KPNA6: variants seen among roughly 807,000 people sequenced by gnomAD.
KPNA6 encodes importin subunit alpha-7.
Under a neutral mutation model 72.0 loss-of-function variants are expected in KPNA6, and 9 were observed. The ratio of observed to expected loss-of-function variants is 0.13; its 90% confidence interval spans 0.08 to 0.22. The LOEUF (loss-of-function observed/expected upper bound fraction) is 0.22. KPNA6 is among the 10% of genes least tolerant of loss of function. The pLI is 1.00. For synonymous variants in KPNA6, 219 were observed against 242.1 expected, an observed-to-expected ratio of 0.90 and a Z score of 0.89; for missense variants, 374 against 655.7, an observed-to-expected ratio of 0.57 and a Z score of 4.69.
intron 1 of KPNA6, among the ~76,000 whole-genome samples, chr1:32,119,855 C>G (rs1357245775): frequency 6.6e-6 from 1 of 151,578 alleles, no homozygotes; most frequent in Non-Finnish European, 1.5e-5. Context: ...AGCAATTCTC[C>G]TGCCTCAGCC....
rs535627092 is a variant in KPNA6 at position 32,152,104 on chromosome 1, G to C, written c.5-2484G>C. Among the ~76,000 whole-genome samples, 55 of 151,808 alleles carry C rather than the reference G, an allele frequency of 3.6e-4. 2 individuals carry two copies. In the South Asian group the frequency reaches 0.011, roughly 32 times the overall value. ...CAGCACTTTGGGAGGCTGAGGCAGG[G>C]GGATTGTTGAGGACAGGAGTTCAAG... is the stretch of plus-strand genomic sequence containing the variant. On this transcript the variant is annotated intron_variant, in intron 1 of 13. Transcript: ENST00000373625.
intron 1 of KPNA6, among the ~76,000 whole-genome samples, chr1:32,114,929 C>G (rs1288423429): frequency 6.6e-6 from 1 of 152,206 alleles, no homozygotes. Context: ...CAGCCTCTGT[C>G]TCCCGGGTTC....
intron 9 of KPNA6, 57 bp downstream of exon 9, chr1:32,162,581 A>C: frequency 6.3e-7 from 1 of 1,592,384 alleles, no homozygotes; most frequent in Admixed American, 1.7e-5. Flanking sequence ...TTATGCTTAT[A>C]ATCCCAGCAC....
intron 1 of KPNA6, among the ~76,000 whole-genome samples, chr1:32,117,469 G>T (rs1461999571): frequency 6.7e-6 from 1 of 149,590 alleles, no homozygotes. Flanking sequence ...ACTGCGCCCG[G>T]CCCAATTTGT....
chr1:32,157,277 G>A (rs969438931), intron 3 of KPNA6, 69 bp from the exon 4 acceptor site: 2 of 1,166,808 alleles, frequency 1.7e-6, no homozygotes, highest in Non-Finnish European at 2.6e-6. Context: ...AGGATGCCAA[G>A]CAGTATTATG....
intron 1 of KPNA6, among the ~76,000 whole-genome samples, chr1:32,121,064 A>G (rs1284806952): frequency 1.3e-5 from 2 of 151,928 alleles, no homozygotes; most frequent in Admixed American, 6.6e-5. Context: ...TTTAGTAGAG[A>G]TGGGGTTTCA....
intron 1 of KPNA6, among the ~76,000 whole-genome samples, chr1:32,144,070 A>G (rs925438072): frequency 2.6e-5 from 4 of 152,222 alleles, no homozygotes; most frequent in Non-Finnish European, 4.4e-5. Flanking sequence ...ATACGTACCT[A>G]TGATGAAGTT....
chr1:32,159,356 C>T (rs756412698), intron 5 of KPNA6, 44 bp from the exon 6 acceptor site: 3 of 1,605,130 alleles, frequency 1.9e-6, no homozygotes, highest in African/African-American at 2.7e-5. Context: ...CATGGCTGCT[C>T]AGTCTGAAAT....
At chr1:32,146,394 A>C (rs965852487) in intron 1 of KPNA6, among the ~76,000 whole-genome samples, 2 of 152,182 alleles carry the variant, frequency 1.3e-5, no homozygotes, top group Non-Finnish European at 2.9e-5. Context: ...TTGTTTTGTC[A>C]GATATTCATG....
intron 2 of KPNA6, among the ~76,000 whole-genome samples, chr1:32,155,371 G>A (rs1642120175): frequency 6.9e-6 from 1 of 145,608 alleles, no homozygotes; most frequent in African/African-American, 2.5e-5. Flanking sequence ...ACCCAGGCTG[G>A]AGTGCAATGG....
In KPNA6 at chr1:32,172,165, T is replaced by C. The variant is rs750823028; in HGVS notation, c.*1271T>C. On this transcript the variant is annotated 3_prime_UTR_variant, in exon 14 of 14. Coordinates refer to ENST00000373625, the MANE Select transcript of KPNA6 (RefSeq NM_012316.5). ...CTGTGAGGAAGACCAAAAAGAGATA[T>C]GGATGCTTCCTCGCTCAGGAGGCCT... is the stretch of plus-strand genomic sequence containing the variant. 4 of 152,184 alleles carry C rather than the reference T, an allele frequency of 2.6e-5. No individual in the cohort carries two copies. Among genetic ancestry groups the C allele is most frequent in the African/African-American group, 7.2e-5 (3 of 41,444 alleles). 9.4% of individuals were successfully genotyped at this position (152,184 alleles called of 1,614,324 possible).
chr1:32,170,288 G>A (rs978779082), intron 13 of KPNA6, among the ~76,000 whole-genome samples: 4 of 152,160 alleles, frequency 2.6e-5, no homozygotes, highest in Non-Finnish European at 5.9e-5. Flanking sequence ...GAGTAGCTGG[G>A]GTACAGCTAG....
At chr1:32,128,390 TATATATATATATATATA>T (rs1641573684) in intron 1 of KPNA6, among the ~76,000 whole-genome samples, 2 of 36,836 alleles carry the variant, frequency 5.4e-5, no homozygotes, top group African/African-American at 2.4e-4. Flanking sequence ...TATGTATTTA[TATATATATATATATATA>T]TATATATATA....
intron 1 of KPNA6, among the ~76,000 whole-genome samples, chr1:32,148,557 C>G (rs1319203316): frequency 7.4e-6 from 1 of 134,474 alleles, no homozygotes; most frequent in Non-Finnish European, 1.6e-5. Flanking sequence ...GTATATTGGT[C>G]TTTTTTTTTT....
chr1:32,148,626 C>T (rs1056483743), intron 1 of KPNA6, among the ~76,000 whole-genome samples: 2 of 146,358 alleles, frequency 1.4e-5, no homozygotes, highest in Non-Finnish European at 3.0e-5. Flanking sequence ...AGTGCGATCT[C>T]GGCTCACTGC....
chr1:32,129,751 C>T (rs1267762773), intron 1 of KPNA6, among the ~76,000 whole-genome samples: 1 of 151,912 alleles, frequency 6.6e-6, no homozygotes, highest in Non-Finnish European at 1.5e-5. Flanking sequence ...TTAGTAGAGA[C>T]GAGGTCTCAC....
At chr1:32,113,896 A>C (rs1260735835) in intron 1 of KPNA6, among the ~76,000 whole-genome samples, 1 of 152,196 alleles carries the variant, frequency 6.6e-6, no homozygotes, top group Non-Finnish European at 1.5e-5. Flanking sequence ...TCTAGTTATC[A>C]CATTTTCACT....
intron 1 of KPNA6, among the ~76,000 whole-genome samples, chr1:32,117,467 C>T (rs544054505): frequency 8.7e-4 from 132 of 150,988 alleles, no homozygotes; most frequent in African/African-American, 2.9e-3. Context: ...CCACTGCGCC[C>T]GGCCCAATTT....
At chr1:32,166,019 A>G in intron 10 of KPNA6, 86 bp from the exon 11 acceptor site, 2 of 1,438,558 alleles carry the variant, frequency 1.4e-6, no homozygotes, top group South Asian at 2.8e-5. Flanking sequence ...CAAAAACAAC[A>G]ACAACAACAA....
Sources: gnomAD v4.1 joint callset for allele counts (sites outside exome capture counted in the v4.1 genomes callset) on GRCh38, gnomAD v4.1.1 for gene constraint, MANE v1.5 for transcripts, NCBI Gene and HGNC (gene_info 2026-07-23, HGNC 2026-07-21) for gene names.